ITPRID1: variants seen among roughly 807,000 people sequenced by gnomAD.
ITPRID1 encodes the protein protein ITPRID1.
ITPRID1 carries 96 observed loss-of-function variants against 95.4 expected under a neutral mutation model. The ratio of observed to expected loss-of-function variants is 1.01; its 90% CI spans 0.85 to 1.19. The LOEUF (loss-of-function observed/expected upper bound fraction) is 1.19, where lower values mean the gene tolerates loss of function less well. ITPRID1 is among the 50% of genes most tolerant of loss of function. The pLI is 0.00. For synonymous variants in ITPRID1, 510 were observed against 453.6 expected (o/e 1.12, Z -1.58); for missense variants, 1,339 against 1,252.9 (o/e 1.07, Z -1.04).
At chr7:31,606,632 A>T (rs1786637937) in intron 10 of ITPRID1, among the ~76,000 whole-genome samples, 1 of 152,192 alleles carries the variant, frequency 6.6e-6, no homozygotes, top group East Asian at 1.9e-4. Flanking sequence ...GAGAAATTTT[A>T]AAAAATTCTT....
intron 1 of ITPRID1, among the ~76,000 whole-genome samples, chr7:31,528,073 G>A (rs991355020): frequency 3.9e-5 from 6 of 152,076 alleles, no homozygotes; most frequent in Admixed American, 1.3e-4. Context: ...AATTAACTAT[G>A]CCTCTGAAAA....
At chr7:31,524,873 A>T (rs1287514342) in intron 1 of ITPRID1, among the ~76,000 whole-genome samples, 2 of 152,158 alleles carry the variant, frequency 1.3e-5, no homozygotes, top group Non-Finnish European at 2.9e-5. Context: ...TATCAATGGT[A>T]CCTAGAAGAG....
chr7:31,616,576 T>G (rs913299206), intron 10 of ITPRID1, among the ~76,000 whole-genome samples: 1 of 152,016 alleles, frequency 6.6e-6, no homozygotes, highest in Admixed American at 6.5e-5. Flanking sequence ...AAGTCCATTT[T>G]TTTCATCATC....
intron 10 of ITPRID1, among the ~76,000 whole-genome samples, chr7:31,584,203 A>C (rs1785505353): frequency 6.6e-6 from 1 of 152,228 alleles, no homozygotes. Context: ...TTCCTGAAAG[A>C]AAATATGCAA....
rs1791111996 is a variant in ITPRID1 at position 31,653,201 on chromosome 7, AG to A, written c.*374del. On this transcript the variant is annotated 3_prime_UTR_variant, in exon 15 of 15. Coordinates refer to ENST00000615280, the MANE Select transcript of ITPRID1 (RefSeq NM_001257967.3). ...GGTTAAGGATACACACCCAGAAGAC[AG>A]GTCTGTGCCTTTCTCCAAAGATGAT... 1 of 191,904 alleles carries A rather than the reference AG, an allele frequency of 5.2e-6. No homozygotes were observed. The highest frequency in any genetic ancestry group is 2.3e-5 in the African/African-American group (1 of 43,250). 11.9% of individuals were successfully genotyped at this position (191,904 alleles called of 1,614,324 possible). A position where few individuals can be genotyped will look rare whatever the true frequency, so the allele number is the denominator to read the frequency against.
intron 12 of ITPRID1, among the ~76,000 whole-genome samples, chr7:31,648,041 T>C (rs1363090912): frequency 1.3e-5 from 2 of 152,152 alleles, no homozygotes; most frequent in Non-Finnish European, 2.9e-5. Flanking sequence ...TTGTTAATTT[T>C]AAAAAGTGTT....
chr7:31,637,917 G>A (rs1033076824), intron 10 of ITPRID1, among the ~76,000 whole-genome samples: 1 of 152,084 alleles, frequency 6.6e-6, no homozygotes, highest in African/African-American at 2.4e-5. Context: ...TTTTGTATAA[G>A]GTGTAAGGAA....
rs1221229003 is a variant in ITPRID1, at chr7:31,652,577, C to T, written c.2883C>T (p.Asn961=). The part of the protein sequence containing the change: ...PEHYSNLHQY[N]WIEESNGQTS... ...ACTATTCAAATCTGCATCAATATAA[C>T]TGGATAGAAGAAAGCAATGGGCAGA... is the stretch of plus-strand genomic sequence containing the variant. The change falls in exon 15 of 15, where the codon AAC becomes AAT. Residue 961 remains asparagine, a synonymous_variant. Transcript: ENST00000615280. 4 of 1,611,648 alleles carry T rather than the reference C, an allele frequency of 2.5e-6. No individual in the cohort carries two copies. The highest frequency in any genetic ancestry group is 3.4e-6 in the Non-Finnish European group (4 of 1,178,876).
At chr7:31,593,744 C>T (rs1370322052) in intron 10 of ITPRID1, among the ~76,000 whole-genome samples, 1 of 152,034 alleles carries the variant, frequency 6.6e-6, no homozygotes, top group Non-Finnish European at 1.5e-5. Flanking sequence ...CAAATGTACA[C>T]AAAATTTTAC....
intron 10 of ITPRID1, among the ~76,000 whole-genome samples, chr7:31,586,920 C>T (rs980013240): frequency 3.3e-5 from 5 of 151,982 alleles, no homozygotes; most frequent in Admixed American, 2.0e-4. Context: ...TTGCCCATGC[C>T]TATGTCCTGA....
At chr7:31,556,681 A>G (rs1423947875) in intron 5 of ITPRID1, among the ~76,000 whole-genome samples, 1 of 152,240 alleles carries the variant, frequency 6.6e-6, no homozygotes, top group East Asian at 1.9e-4. Context: ...TGTGGAGATG[A>G]AAAGGACCCA....
chr7:31,593,955 A>G lies in ITPRID1; in HGVS notation c.1228+10764A>G, dbSNP rs139905017. The stretch of plus-strand genomic sequence containing the variant: ...TTAAGTGAGAAAAAAGTTACATGCA[A>G]AAGAGTCTTATCTATACACTCCTTT... On this transcript the variant is annotated intron_variant, in intron 10 of 14. Coordinates refer to ENST00000615280, the MANE Select transcript of ITPRID1 (RefSeq NM_001257967.3). Among the ~76,000 whole-genome samples, 14 of 152,322 alleles carry G rather than the reference A, an allele frequency of 9.2e-5. No individual in the cohort carries two copies. In the East Asian group the frequency reaches 2.7e-3, roughly 29 times the overall value.
At chr7:31,577,779 C>T (rs1473480228) in intron 8 of ITPRID1, 84 bp from the exon 9 acceptor site, 11 of 1,160,420 alleles carry the variant, frequency 9.5e-6, no homozygotes, top group African/African-American at 6.2e-5. Flanking sequence ...TTCATGTTAA[C>T]GGACCCTTCA....
chr7:31,637,475 C>G (rs910097368), intron 10 of ITPRID1, among the ~76,000 whole-genome samples: 4 of 152,178 alleles, frequency 2.6e-5, no homozygotes, highest in South Asian at 2.1e-4. Context: ...ATTTGCATTT[C>G]TCTGATGGCC....
chr7:31,621,645 C>T (rs1302709702), intron 10 of ITPRID1, among the ~76,000 whole-genome samples: 2 of 148,484 alleles, frequency 1.3e-5, no homozygotes, highest in South Asian at 2.1e-4. Context: ...CCAGACACTG[C>T]AAAATCATGC....
chr7:31,541,577 T>A, intron 1 of ITPRID1, among the ~76,000 whole-genome samples: 1 of 152,108 alleles, frequency 6.6e-6, no homozygotes, highest in East Asian at 1.9e-4. Context: ...CTAAGATATA[T>A]CAGAATTATA....
At chr7:31,634,338 TTAA>T (rs1184719803) in intron 10 of ITPRID1, among the ~76,000 whole-genome samples, 4 of 152,366 alleles carry the variant, frequency 2.6e-5, no homozygotes, top group African/African-American at 4.8e-5. Context: ...ACAGATAATA[TTAA>T]TAATGATGTC....
intron 12 of ITPRID1, among the ~76,000 whole-genome samples, chr7:31,650,100 G>T (rs1790821093): frequency 6.6e-6 from 1 of 152,118 alleles, no homozygotes. Flanking sequence ...GGGGACAGAG[G>T]CCCAAACCTT....
intron 8 of ITPRID1, among the ~76,000 whole-genome samples, chr7:31,577,208 G>T (rs961517338): frequency 6.6e-6 from 1 of 152,160 alleles, no homozygotes; most frequent in Non-Finnish European, 1.5e-5. Context: ...ACATGGCATC[G>T]TGTCTTCACA....
Sources: allele counts gnomAD v4.1 joint callset (sites outside exome capture counted in the v4.1 genomes callset), GRCh38; gene constraint gnomAD v4.1.1; transcripts MANE v1.5; gene names NCBI Gene and HGNC (gene_info 2026-07-23, HGNC 2026-07-21).